Variants in RHOJ observed in about 807,000 individuals in gnomAD.
The protein encoded by RHOJ is rho-related GTP-binding protein RhoJ.
Under a neutral mutation model 23.4 loss-of-function variants are expected in RHOJ, and 11 were observed. That is an observed-to-expected ratio of 0.47 (90% CI 0.30 to 0.78). The LOEUF (loss-of-function observed/expected upper bound fraction) is 0.78. RHOJ is among the 30% of genes least tolerant of loss of function. RHOJ has a pLI of 0.08. For synonymous variants in RHOJ, 102 were observed against 102.7 expected, an observed-to-expected ratio of 0.99 and a Z score of 0.04; for missense variants, 254 against 273.4, an observed-to-expected ratio of 0.93 and a Z score of 0.50.
At chr14:63,266,842 T>C (rs1895376761) in intron 1 of RHOJ, among the ~76,000 whole-genome samples, 1 of 152,208 alleles carries the variant, frequency 6.6e-6, no homozygotes, top group African/African-American at 2.4e-5. Context: ...AATCATATTG[T>C]CAGCAAAGAA....
At chr14:63,208,274 C>G (rs1233034142) in intron 1 of RHOJ, among the ~76,000 whole-genome samples, 3 of 152,154 alleles carry the variant, frequency 2.0e-5, no homozygotes, top group African/African-American at 7.2e-5. Context: ...TCCTACCTAC[C>G]AAAATCCAAA....
chr14:63,269,147 A>C lies in RHOJ; in HGVS notation c.216A>C (p.Gly72=), dbSNP rs1227676612. ...VTVGGKQHLL[G]LYDTAGQEDY... is the part of the protein sequence containing the mutation. ...TGGGAGGCAAGCAACACTTGCTCGG[A>C]CTGTATGACACCGCGGGACAGGTAC... The change falls in exon 2 of 5, where the codon GGA becomes GGC. Residue 72 remains glycine (G), a synonymous_variant. Coordinates refer to ENST00000316754, the MANE Select transcript of RHOJ (RefSeq NM_020663.5). 1 of 1,612,954 alleles carries C rather than the reference A, an allele frequency of 6.2e-7. No individual in the cohort carries two copies. The highest frequency in any genetic ancestry group is 2.2e-5 in the East Asian group (1 of 44,874).
chr14:63,259,408 A>C (rs1213591125), intron 1 of RHOJ, among the ~76,000 whole-genome samples: 5 of 152,246 alleles, frequency 3.3e-5, no homozygotes, highest in African/African-American at 9.6e-5. Context: ...GTCAACATTA[A>C]GTGCATCCTT....
At chr14:63,238,351 A>G (rs1054242911) in intron 1 of RHOJ, among the ~76,000 whole-genome samples, 1 of 152,190 alleles carries the variant, frequency 6.6e-6, no homozygotes, top group African/African-American at 2.4e-5. Context: ...CATCATCAGC[A>G]TGGTATAAAA....
chr14:63,239,661 C>G (rs1281245260), intron 1 of RHOJ, among the ~76,000 whole-genome samples: 1 of 152,262 alleles, frequency 6.6e-6, no homozygotes, highest in Non-Finnish European at 1.5e-5. Context: ...GACTGACCTA[C>G]TGCACCCGAC....
intron 1 of RHOJ, among the ~76,000 whole-genome samples, chr14:63,261,279 G>C (rs991155434): frequency 1.3e-5 from 2 of 151,928 alleles, no homozygotes; most frequent in African/African-American, 4.8e-5. Context: ...ATGTATCAAA[G>C]ATATAATCTT....
intron 1 of RHOJ, among the ~76,000 whole-genome samples, chr14:63,260,429 A>G (rs895328621): frequency 2.6e-5 from 4 of 152,216 alleles, no homozygotes; most frequent in African/African-American, 7.2e-5. Context: ...CTGAGAGTCA[A>G]TCTAGGAGAA....
chr14:63,225,581 T>C (rs917532359), intron 1 of RHOJ, among the ~76,000 whole-genome samples: 12 of 152,182 alleles, frequency 7.9e-5, no homozygotes, highest in African/African-American at 2.4e-4. Flanking sequence ...TTCTCTTCTG[T>C]TCCTGAAAAC....
chr14:63,209,296 C>T lies in RHOJ; in HGVS notation c.178+4249C>T, dbSNP rs534262810. 5.9e-5 allele frequency among the ~76,000 whole-genome samples: 9 copies of T among 152,240 alleles called. No homozygotes were observed. The South Asian group carries it at 1.7e-3, about 28-fold the overall frequency. ...CAATCACTTCCCTTAACACTCAGAC[C>T]CAACCCTATATTATGTTGTATATGA... On this transcript the variant is annotated intron_variant, in intron 1 of 4. Transcript: ENST00000316754.
intron 4 of RHOJ, among the ~76,000 whole-genome samples, chr14:63,286,017 T>C (rs1239016570): frequency 2.6e-5 from 4 of 152,328 alleles, no homozygotes; most frequent in African/African-American, 9.6e-5. Context: ...CTCTTTAACT[T>C]GGCACCTGCT....
At chr14:63,288,299 C>G (rs547576331) in intron 4 of RHOJ, 1 of 985,282 alleles carries the variant, frequency 1.0e-6, no homozygotes, top group Non-Finnish European at 1.2e-6. Context: ...AGTGCCCTGC[C>G]CCTCCTGCAG....
At chr14:63,268,108 T>C (rs1239923458) in intron 1 of RHOJ, among the ~76,000 whole-genome samples, 8 of 152,212 alleles carry the variant, frequency 5.3e-5, no homozygotes, top group Non-Finnish European at 7.3e-5. Flanking sequence ...CAGCTAATGA[T>C]AGGAGGAATC....
intron 1 of RHOJ, among the ~76,000 whole-genome samples, chr14:63,244,566 A>G (rs1013713222): frequency 2.6e-5 from 4 of 152,224 alleles, no homozygotes; most frequent in Non-Finnish European, 5.9e-5. Flanking sequence ...CAACAAGAGC[A>G]AAACTCTGTC....
chr14:63,282,248 G>C (rs927217973), intron 3 of RHOJ, among the ~76,000 whole-genome samples: 1 of 150,834 alleles, frequency 6.6e-6, no homozygotes, highest in Non-Finnish European at 1.5e-5. Flanking sequence ...ATTAGAGATA[G>C]GCACAAAATT....
At chr14:63,276,678 GGA>G (rs1442039509) in intron 2 of RHOJ, among the ~76,000 whole-genome samples, 1 of 152,134 alleles carries the variant, frequency 6.6e-6, no homozygotes, top group African/African-American at 2.4e-5. Flanking sequence ...CGACTCAGCT[GGA>G]GGGCCAGGAG....
chr14:63,224,589 A>G (rs1014367252), intron 1 of RHOJ, among the ~76,000 whole-genome samples: 1 of 152,208 alleles, frequency 6.6e-6, no homozygotes, highest in Non-Finnish European at 1.5e-5. Context: ...ACTCTATTCT[A>G]AAAGACATCA....
chr14:63,252,666 C>G (rs1895093038), intron 1 of RHOJ, among the ~76,000 whole-genome samples: 2 of 152,146 alleles, frequency 1.3e-5, no homozygotes, highest in Admixed American at 1.3e-4. Context: ...CCCCCAATCC[C>G]CCATACCCCT....
At chr14:63,205,580 T>A (rs1329283164) in intron 1 of RHOJ, among the ~76,000 whole-genome samples, 1 of 152,222 alleles carries the variant, frequency 6.6e-6, no homozygotes, top group Non-Finnish European at 1.5e-5. Context: ...GGTTGTAGAT[T>A]GGGGGAGAGT....
chr14:63,222,212 TCTA>T (rs550489766), intron 1 of RHOJ, among the ~76,000 whole-genome samples: 188 of 152,222 alleles, frequency 1.2e-3, no homozygotes, highest in African/African-American at 4.5e-3. Context: ...ATTTTCTTAA[TCTA>T]GTCTATCATT....
Sources: allele counts gnomAD v4.1 joint callset (sites outside exome capture counted in the v4.1 genomes callset), GRCh38; gene constraint gnomAD v4.1.1; transcripts MANE v1.5; gene names NCBI Gene and HGNC (gene_info 2026-07-23, HGNC 2026-07-21).